The following TCF4 variants were observed in gnomAD, a reference collection of about 807,000 sequenced individuals.
The protein encoded by TCF4 is SL3-3 enhancer factor 2.
Under a neutral mutation model 82.1 loss-of-function variants are expected in TCF4, and 3 were observed. That is an observed-to-expected ratio of 0.04 (90% CI 0.02 to 0.09). TCF4 has a LOEUF of 0.09. Among genes scored for constraint, TCF4 ranks in the 10% least tolerant of loss-of-function variants. TCF4 has a pLI of 1.00. For synonymous variants in TCF4, 276 were observed against 309.6 expected, an observed-to-expected ratio of 0.89 and a Z score of 1.14; for missense variants, 518 against 852.7, an observed-to-expected ratio of 0.61 and a Z score of 4.89.
At chr18:55,301,788 T>A (rs1208061001) in intron 8 of TCF4, among the ~76,000 whole-genome samples, 28 of 56,312 alleles carry the variant, frequency 5.0e-4, no homozygotes, top group South Asian at 1.4e-3. Flanking sequence ...CCAAAAACTG[T>A]AAAAAAAAAA....
intron 3 of TCF4, among the ~76,000 whole-genome samples, chr18:55,514,534 G>T (rs1480252367): frequency 6.6e-6 from 1 of 151,802 alleles, no homozygotes; most frequent in African/African-American, 2.4e-5. Context: ...TGTAAACGTG[G>T]TAACAGTTAA....
chr18:55,354,955 G>A lies in TCF4; in HGVS notation c.370-3952C>T, dbSNP rs187429594. On this transcript the variant is annotated intron_variant, in intron 6 of 19. Coordinates refer to ENST00000354452, the MANE Select transcript of TCF4 (RefSeq NM_001083962.2). ...CGGTATCAGACACAACATCTTGGGG[G>A]GATGTTGCAGAACAGAGAAAAGCAG... Among the ~76,000 whole-genome samples the A allele has an allele frequency of 2.6e-5, 4 of 152,222 alleles. No individual in the cohort carries two copies. The East Asian group carries it at 7.7e-4, about 29-fold the overall frequency.
At chr18:55,296,945 T>C (rs1433463410) in intron 8 of TCF4, among the ~76,000 whole-genome samples, 1 of 152,104 alleles carries the variant, frequency 6.6e-6, no homozygotes, top group Non-Finnish European at 1.5e-5. Context: ...TTGTTCAATG[T>C]CTCATACTAT....
intron 3 of TCF4, among the ~76,000 whole-genome samples, chr18:55,512,049 A>G (rs949202197): frequency 6.6e-6 from 1 of 152,190 alleles, no homozygotes; most frequent in East Asian, 1.9e-4. Context: ...GAAAATGCCA[A>G]TTTCTAAAAG....
At position 55,501,706 on chromosome 18, in the gene TCF4, G is replaced by GA. The variant is rs776813034; in HGVS notation, c.146-37570dup. ...TTGAAAGGAAGCATCATCTTTGGGA[G>GA]AAAAAAAAAAAACCTTCGCTGAAGA... On this transcript the variant is annotated intron_variant, in intron 3 of 19. Coordinates refer to ENST00000354452, the MANE Select transcript of TCF4 (RefSeq NM_001083962.2). 8.6e-3 allele frequency among the ~76,000 whole-genome samples: 1,223 copies of GA among 142,224 alleles called. 4 individuals are homozygous for GA. Among genetic ancestry groups the GA allele is most frequent in the Admixed American group, 0.011 (150 of 14,240 alleles). The allele number at this position is 142,224 out of a possible 152,430, so 93.3% of individuals were successfully genotyped here.
chr18:55,474,178 C>T (rs757248711), intron 3 of TCF4, among the ~76,000 whole-genome samples: 1 of 152,166 alleles, frequency 6.6e-6, no homozygotes, highest in Non-Finnish European at 1.5e-5. Context: ...ATACTTTACA[C>T]ATCTGAAATT....
intron 6 of TCF4, among the ~76,000 whole-genome samples, chr18:55,357,940 T>C (rs1200597976): frequency 6.6e-6 from 1 of 152,218 alleles, no homozygotes. Context: ...GGAGAAGTAG[T>C]AAATGCTCAA....
chr18:55,396,627 T>C (rs769581100), intron 6 of TCF4, among the ~76,000 whole-genome samples: 6 of 152,168 alleles, frequency 3.9e-5, no homozygotes, highest in South Asian at 2.1e-4. Context: ...CAGAGGTTGT[T>C]GCAAGGTTCC....
intron 3 of TCF4, among the ~76,000 whole-genome samples, chr18:55,485,230 G>C (rs76410458): frequency 0.021 from 3,234 of 152,276 alleles, 119 homozygotes; most frequent in African/African-American, 0.074. Context: ...TTTTGGAATA[G>C]GTAACGTAAT....
chr18:55,335,655 C>T (rs927444695), intron 8 of TCF4, among the ~76,000 whole-genome samples: 13 of 152,266 alleles, frequency 8.5e-5, no homozygotes, highest in African/African-American at 3.1e-4. Context: ...GTTCTTCTTA[C>T]AGTTTACAGA....
At chr18:55,573,595 C>T (rs933869476) in intron 3 of TCF4, among the ~76,000 whole-genome samples, 3 of 152,300 alleles carry the variant, frequency 2.0e-5, no homozygotes, top group South Asian at 4.1e-4. Flanking sequence ...CCAGCCACAG[C>T]GGCTGGAATC....
intron 8 of TCF4, among the ~76,000 whole-genome samples, chr18:55,330,460 T>G (rs1049493747): frequency 2.7e-5 from 4 of 149,070 alleles, no homozygotes; most frequent in Non-Finnish European, 4.5e-5. Flanking sequence ...TTACAAGTGT[T>G]AGCCACCACG....
rs910198889 is a variant in TCF4, at chr18:55,547,273, A to G, written c.145+38007T>C. On this transcript the variant is annotated intron_variant, in intron 3 of 19. Transcript: ENST00000354452. ...ACATGATGGCATAAAATAATATTCT[A>G]TGACAGGATTCCTAAAAGCCTGTGA... 2.6e-5 allele frequency among the ~76,000 whole-genome samples: 4 copies of G among 152,208 alleles called. No individual in the cohort carries two copies. In the South Asian group the frequency reaches 8.3e-4, roughly 32 times the overall value.
intron 5 of TCF4, among the ~76,000 whole-genome samples, chr18:55,445,322 T>C (rs1403116257): frequency 1.3e-5 from 2 of 151,946 alleles, no homozygotes; most frequent in African/African-American, 4.8e-5. Flanking sequence ...TGGTACAATT[T>C]ATAGATTTTA....
At chr18:55,408,895 A>G (rs1167808214) in intron 5 of TCF4, among the ~76,000 whole-genome samples, 1 of 152,178 alleles carries the variant, frequency 6.6e-6, no homozygotes, top group Non-Finnish European at 1.5e-5. Context: ...CAAAACACTC[A>G]TGAATTTGAT....
chr18:55,453,558 A>G (rs2095669144), intron 5 of TCF4, among the ~76,000 whole-genome samples: 1 of 152,186 alleles, frequency 6.6e-6, no homozygotes, highest in Non-Finnish European at 1.5e-5. Context: ...GTTTTCAAGT[A>G]ACATTTTTCT....
chr18:55,283,407 T>C (rs921553791), intron 8 of TCF4, among the ~76,000 whole-genome samples: 2 of 152,082 alleles, frequency 1.3e-5, no homozygotes, highest in African/African-American at 4.8e-5. Context: ...CTTAAGAAGC[T>C]CTCATTTTTA....
chr18:55,454,671 G>T (rs2095699997), intron 5 of TCF4, among the ~76,000 whole-genome samples: 1 of 152,058 alleles, frequency 6.6e-6, no homozygotes, highest in African/African-American at 2.4e-5. Flanking sequence ...TCACTTGAAG[G>T]TATTCATAAA....
chr18:55,582,198 C>A (rs1276497042), intron 3 of TCF4, among the ~76,000 whole-genome samples: 1 of 152,026 alleles, frequency 6.6e-6, no homozygotes, highest in African/African-American at 2.4e-5. Context: ...AGATGATTTT[C>A]TTTTTTTGGT....
Sources: allele counts gnomAD v4.1 joint callset (sites outside exome capture counted in the v4.1 genomes callset), GRCh38; gene constraint gnomAD v4.1.1; transcripts MANE v1.5; gene names NCBI Gene and HGNC (gene_info 2026-07-23, HGNC 2026-07-21).